The following SORBS2 variants were observed in gnomAD, a reference collection of about 807,000 sequenced individuals.
SORBS2 encodes the protein sorbin and SH3 domain containing 2, also known as sorbin and SH3 domain-containing protein 2.
SORBS2 carries 46 observed loss-of-function variants against 97.7 expected under a neutral mutation model. The ratio of observed to expected loss-of-function variants is 0.47; its 90% confidence interval spans 0.37 to 0.60. The LOEUF (loss-of-function observed/expected upper bound fraction) is 0.60. Among genes scored for constraint, SORBS2 ranks in the 20% least tolerant of loss-of-function variants. SORBS2 has a pLI of 0.00. For missense variants in SORBS2, 1,316 were observed against 1,282.3 expected, an observed-to-expected ratio of 1.03 and a Z score of -0.40; for synonymous variants, 476 against 473.4, an observed-to-expected ratio of 1.01 and a Z score of -0.07.
chr4:185,866,478 G>T (rs1424772963), intron 1 of SORBS2, among the ~76,000 whole-genome samples: 1 of 152,190 alleles, frequency 6.6e-6, no homozygotes, highest in Non-Finnish European at 1.5e-5. Flanking sequence ...ATTCAATTTT[G>T]TAAGGGACAT....
At chr4:185,642,784 C>T (rs1157170678) in intron 4 of SORBS2, among the ~76,000 whole-genome samples, 1 of 152,170 alleles carries the variant, frequency 6.6e-6, no homozygotes, top group African/African-American at 2.4e-5. Context: ...ACAGTACTAC[C>T]CCCCTGCCTT....
At chr4:185,891,716 A>G (rs2099242615) in intron 1 of SORBS2, among the ~76,000 whole-genome samples, 1 of 152,058 alleles carries the variant, frequency 6.6e-6, no homozygotes, top group Admixed American at 6.5e-5. Context: ...TTGAGCAATA[A>G]CTCTATCTCC....
At chr4:185,859,976 C>T (rs938776283) in intron 1 of SORBS2, among the ~76,000 whole-genome samples, 13 of 152,166 alleles carry the variant, frequency 8.5e-5, no homozygotes, top group Non-Finnish European at 1.2e-4. Context: ...ACAATATGCT[C>T]AAGATCCTTC....
At chr4:185,618,960 G>T (rs965596467) in intron 8 of SORBS2, among the ~76,000 whole-genome samples, 27 of 152,334 alleles carry the variant, frequency 1.8e-4, no homozygotes, top group African/African-American at 6.3e-4. Context: ...TAGGATAAAT[G>T]TGGAGGGTCA....
intron 1 of SORBS2, among the ~76,000 whole-genome samples, chr4:185,801,113 T>C (rs768856050): frequency 2.6e-5 from 4 of 152,232 alleles, no homozygotes; most frequent in African/African-American, 4.8e-5. Flanking sequence ...AGACTCCACA[T>C]ATAAGTGAGA....
chr4:185,810,379 G>A (rs1482132741), intron 1 of SORBS2, among the ~76,000 whole-genome samples: 1 of 152,162 alleles, frequency 6.6e-6, no homozygotes, highest in African/African-American at 2.4e-5. Context: ...TTAAAATTCT[G>A]AAGAGACTCA....
chr4:185,673,931 G>A (rs2097757709), intron 4 of SORBS2, among the ~76,000 whole-genome samples: 1 of 152,106 alleles, frequency 6.6e-6, no homozygotes, highest in Non-Finnish European at 1.5e-5. Context: ...CATTTTCCCA[G>A]ATTTCCTCCT....
At chr4:185,596,732 A>T (rs1052595354) in intron 12 of SORBS2, among the ~76,000 whole-genome samples, 1 of 151,790 alleles carries the variant, frequency 6.6e-6, no homozygotes, top group Non-Finnish European at 1.5e-5. Context: ...ACAGGGTTTC[A>T]CCATGTTAGC....
At chr4:185,721,916 A>T (rs181564439) in intron 2 of SORBS2, among the ~76,000 whole-genome samples, 1 of 152,350 alleles carries the variant, frequency 6.6e-6, no homozygotes, top group East Asian at 1.9e-4. Flanking sequence ...GAGAGTGCAC[A>T]TATATACATT....
intron 1 of SORBS2, among the ~76,000 whole-genome samples, chr4:185,891,773 T>C (rs1472633505): frequency 6.6e-6 from 1 of 152,178 alleles, no homozygotes; most frequent in Non-Finnish European, 1.5e-5. Context: ...TGCAATGCCA[T>C]AGTCTCAGTG....
exon 15 of SORBS2, chr4:185,587,484 C>T (rs2095814000): frequency 2.9e-6 from 2 of 688,002 alleles, no homozygotes; most frequent in Non-Finnish European, 2.6e-6. Context: ...GGCTACTCTG[C>T]TGGTGGTTTG....
chr4:185,939,302 G>T (rs181746430), intron 1 of SORBS2, among the ~76,000 whole-genome samples: 2 of 151,870 alleles, frequency 1.3e-5, no homozygotes, highest in Non-Finnish European at 2.9e-5. Flanking sequence ...AAATTCTTCC[G>T]TGCAATTGTT....
At chr4:185,879,271 T>C (rs563688386) in intron 1 of SORBS2, among the ~76,000 whole-genome samples, 56 of 149,868 alleles carry the variant, frequency 3.7e-4, no homozygotes, top group African/African-American at 1.3e-3. Flanking sequence ...CATGCGGTGT[T>C]TGGTTTTCTG....
At chr4:185,603,828 C>G (rs925230374) in intron 12 of SORBS2, among the ~76,000 whole-genome samples, 1 of 152,168 alleles carries the variant, frequency 6.6e-6, no homozygotes, top group Middle Eastern at 3.2e-3. Flanking sequence ...GAACTGTCAG[C>G]CTGCAAGTCT....
intron 2 of SORBS2, among the ~76,000 whole-genome samples, chr4:185,766,988 A>G (rs965360029): frequency 6.6e-6 from 1 of 152,060 alleles, no homozygotes; most frequent in Non-Finnish European, 1.5e-5. Flanking sequence ...AAACTGTGTC[A>G]ATTTCCTAAC....
At chr4:185,806,634 T>G (rs1438197898) in intron 1 of SORBS2, among the ~76,000 whole-genome samples, 1 of 151,360 alleles carries the variant, frequency 6.6e-6, no homozygotes, top group Non-Finnish European at 1.5e-5. Flanking sequence ...ATTTTTTGTA[T>G]TTTTTAGTAG....
intron 2 of SORBS2, among the ~76,000 whole-genome samples, chr4:185,738,162 C>T (rs999435631): frequency 6.6e-6 from 1 of 152,236 alleles, no homozygotes; most frequent in Non-Finnish European, 1.5e-5. Flanking sequence ...ACTTTACTGA[C>T]CCTAGAACAA....
At chr4:185,934,259 G>T (rs2149977816) in intron 1 of SORBS2, among the ~76,000 whole-genome samples, 1 of 152,272 alleles carries the variant, frequency 6.6e-6, no homozygotes, top group South Asian at 2.1e-4. Context: ...TTCCACAGAT[G>T]ATTTTCAGAA....
chr4:185,683,091 G>T (rs1277395395), intron 2 of SORBS2, among the ~76,000 whole-genome samples: 5 of 151,870 alleles, frequency 3.3e-5, no homozygotes, highest in Non-Finnish European at 7.4e-5. Context: ...AAAGAGGGCT[G>T]TTTTTAAACA....
Sources: gnomAD v4.1 joint callset for allele counts (sites outside exome capture counted in the v4.1 genomes callset) on GRCh38, gnomAD v4.1.1 for gene constraint, MANE v1.5 for transcripts, NCBI Gene and HGNC (gene_info 2026-07-23, HGNC 2026-07-21) for gene names.